The following ELMOD1 variants were observed in gnomAD, a reference collection of about 807,000 sequenced individuals.
ELMOD1 encodes ELMO domain containing 1.
ELMOD1 carries 21 observed loss-of-function variants against 46.7 expected under a neutral mutation model. The observed-to-expected ratio is 0.45, with a 90% CI of 0.32 to 0.65. The LOEUF is 0.65. Among genes scored for constraint, ELMOD1 ranks in the 30% least tolerant of loss-of-function variants. ELMOD1 has a pLI of 0.04. For synonymous variants in ELMOD1, 122 were observed against 138.2 expected (o/e 0.88, Z 0.82); for missense variants, 348 against 407.8 (o/e 0.85, Z 1.26).
chr11:107,618,308 G>T, intron 2 of ELMOD1, 102 bp downstream of exon 2: 2 of 1,326,596 alleles, frequency 1.5e-6, no homozygotes, highest in South Asian at 1.3e-5. Context: ...CTGTGACCAG[G>T]ACTCCTAAGA....
At chr11:107,639,832 T>C (rs1362280560) in intron 6 of ELMOD1, among the ~76,000 whole-genome samples, 2 of 152,124 alleles carry the variant, frequency 1.3e-5, no homozygotes, top group Non-Finnish European at 2.9e-5. Flanking sequence ...CAGTCTTAGA[T>C]GAGTGGATTC....
At chr11:107,639,158 A>G (rs1866278797) in intron 6 of ELMOD1, among the ~76,000 whole-genome samples, 3 of 152,162 alleles carry the variant, frequency 2.0e-5, no homozygotes, top group Admixed American at 6.5e-5. Context: ...AAAAATAATA[A>G]TAATAATAAT....
At chr11:107,635,112 T>C (rs1333104595) in intron 5 of ELMOD1, among the ~76,000 whole-genome samples, 1 of 152,232 alleles carries the variant, frequency 6.6e-6, no homozygotes, top group African/African-American at 2.4e-5. Context: ...ATTTTTTTCC[T>C]TGAAGCCCTT....
chr11:107,609,789 C>T (rs1865745863), intron 1 of ELMOD1, among the ~76,000 whole-genome samples: 1 of 152,180 alleles, frequency 6.6e-6, no homozygotes, highest in African/African-American at 2.4e-5. Context: ...ATATGACAAG[C>T]ACAATCATTT....
At chr11:107,620,947 A>G (rs2135676435) in intron 2 of ELMOD1, among the ~76,000 whole-genome samples, 1 of 152,342 alleles carries the variant, frequency 6.6e-6, no homozygotes, top group Non-Finnish European at 1.5e-5. Flanking sequence ...TCAGAAAAAG[A>G]AGGAACATTT....
At chr11:107,620,469 T>G (rs1163844454) in intron 2 of ELMOD1, 1 of 152,248 alleles carries the variant, frequency 6.6e-6, no homozygotes, top group Non-Finnish European at 1.5e-5. Flanking sequence ...GCTATTTGAT[T>G]AGTACACCTG....
intron 1 of ELMOD1, among the ~76,000 whole-genome samples, chr11:107,606,743 G>A (rs1443686453): frequency 6.6e-6 from 1 of 151,992 alleles, no homozygotes; most frequent in Non-Finnish European, 1.5e-5. Context: ...GCTGAGGCAG[G>A]AAAATTGCTT....
rs1866828373 is a variant in ELMOD1, at chr11:107,665,593, C to T, written c.*396C>T. ...AGCCTTTTAATTTATTGAAATGTTT[C>T]ATGACTACTGCTGCTAGCTCTTCAA... On this transcript the variant is annotated 3_prime_UTR_variant, in exon 12 of 12. Transcript: ENST00000265840. 2 of 165,344 alleles carry T rather than the reference C, an allele frequency of 1.2e-5. No homozygotes were observed. Among genetic ancestry groups the T allele is most frequent in the South Asian group, 3.3e-4 (2 of 6,056 alleles). 10.2% of individuals were successfully genotyped at this position (165,344 alleles called of 1,614,324 possible).
rs151020362 is a variant in ELMOD1 at position 107,609,435 on chromosome 11, G to A, written c.-85-8670G>A. On this transcript the variant is annotated intron_variant, in intron 1 of 11. Coordinates refer to ENST00000265840, the MANE Select transcript of ELMOD1 (RefSeq NM_018712.4). ...AACTTGGAATGTGAAGAGCTACGCA[G>A]AAAGTAGCTTTCTTTGTCTCATCTA... 2.3e-4 allele frequency among the ~76,000 whole-genome samples: 35 copies of A among 152,320 alleles called. No individual in the cohort carries two copies. In the East Asian group the frequency reaches 2.3e-3, roughly 10 times the overall value.
At chr11:107,651,097 C>T (rs1866518147) in intron 9 of ELMOD1, among the ~76,000 whole-genome samples, 189 bp downstream of exon 9, 1 of 152,180 alleles carries the variant, frequency 6.6e-6, no homozygotes, top group Non-Finnish European at 1.5e-5. Context: ...AGATTGACCA[C>T]TTGGAAAATG....
chr11:107,602,262 G>C (rs502537), intron 1 of ELMOD1, among the ~76,000 whole-genome samples: 38,403 of 151,984 alleles, frequency 0.25, 6,903 homozygotes, highest in African/African-American at 0.5. Context: ...TCCCCCTCTG[G>C]AAACTTTCTT....
At chr11:107,657,822 A>G (rs1443710162) in intron 11 of ELMOD1, among the ~76,000 whole-genome samples, 2 of 152,208 alleles carry the variant, frequency 1.3e-5, no homozygotes, top group Non-Finnish European at 2.9e-5. Context: ...TATCTGTGCA[A>G]TTGGCTGCAA....
intron 1 of ELMOD1, among the ~76,000 whole-genome samples, chr11:107,596,139 C>A (rs1440652356): frequency 6.6e-6 from 1 of 151,964 alleles, no homozygotes; most frequent in Non-Finnish European, 1.5e-5. Flanking sequence ...AATTAGAATG[C>A]TGGTTTTAAG....
chr11:107,637,078 C>T (rs1866242019), intron 6 of ELMOD1, among the ~76,000 whole-genome samples: 2 of 152,202 alleles, frequency 1.3e-5, no homozygotes, highest in African/African-American at 4.8e-5. Flanking sequence ...GGGTTTTCAA[C>T]AAATATAAGT....
chr11:107,653,118 G>C (rs1416465191), intron 9 of ELMOD1, among the ~76,000 whole-genome samples: 6 of 152,086 alleles, frequency 3.9e-5, no homozygotes, highest in Admixed American at 2.0e-4. Flanking sequence ...ATCTGCATTG[G>C]AAGTATAAGA....
intron 1 of ELMOD1, among the ~76,000 whole-genome samples, chr11:107,601,986 T>C (rs532374653): frequency 7.9e-5 from 12 of 152,334 alleles, no homozygotes; most frequent in African/African-American, 2.9e-4. Context: ...CTGGGTCCAA[T>C]GTCTTTCTCA....
chr11:107,643,282 G>A (rs1475373168), intron 6 of ELMOD1: 3 of 181,872 alleles, frequency 1.6e-5, no homozygotes, highest in Non-Finnish European at 3.4e-5. Context: ...AAGGAGAATC[G>A]CTTTAACCCG....
intron 5 of ELMOD1, among the ~76,000 whole-genome samples, chr11:107,633,632 C>T (rs1414496504): frequency 2.0e-5 from 3 of 152,070 alleles, no homozygotes; most frequent in African/African-American, 7.2e-5. Context: ...GGGGTTTTAC[C>T]GTGTTGGCCA....
intron 2 of ELMOD1, chr11:107,625,666 T>C: frequency 1.7e-6 from 1 of 591,866 alleles, no homozygotes; most frequent in Non-Finnish European, 2.1e-6. Context: ...TTTTGTTTGG[T>C]AGCAGAGATA....
Sources: allele counts gnomAD v4.1 joint callset (sites outside exome capture counted in the v4.1 genomes callset), GRCh38; gene constraint gnomAD v4.1.1; transcripts MANE v1.5; gene names NCBI Gene and HGNC (gene_info 2026-07-23, HGNC 2026-07-21).